TMA7B: variants seen among roughly 807,000 people sequenced by gnomAD.
The protein encoded by TMA7B is translation machinery associated 7 homolog B, also known as translation machinery-associated protein 7B.
the TMA7B span, chr22:39,964,597 G>C: frequency 2.6e-6 from 2 of 762,638 alleles, no homozygotes; most frequent in East Asian, 4.9e-5. Flanking sequence ...AGGAGACGGT[G>C]ACCCTTTATT....
At chr22:39,961,712 A>G in the TMA7B span, among the ~76,000 whole-genome samples, 4 of 152,254 alleles carry the variant, frequency 2.6e-5, no homozygotes, top group East Asian at 5.8e-4. Flanking sequence ...CTGCAAGAAT[A>G]TAATGCTGTT....
chr22:39,964,276 G>A, the TMA7B span: 3 of 637,338 alleles, frequency 4.7e-6, no homozygotes, highest in Non-Finnish European at 8.4e-6. Flanking sequence ...TGGTTCGAAT[G>A]TGTCCCATCA....
chr22:39,964,515 C>T, the TMA7B span: 117 of 971,252 alleles, frequency 1.2e-4, no homozygotes, highest in Middle Eastern at 3.1e-4. Context: ...AAGCGAAGGT[C>T]GTGGGGAAGG....
chr22:39,963,402 C>T, the TMA7B span, among the ~76,000 whole-genome samples: 1 of 152,200 alleles, frequency 6.6e-6, no homozygotes, highest in Admixed American at 6.5e-5. Flanking sequence ...ATGTTTCACA[C>T]TCTGAGTTCT....
chr22:39,964,589 G>C, the TMA7B span: 1 of 781,250 alleles, frequency 1.3e-6, no homozygotes, highest in African/African-American at 1.7e-5. Flanking sequence ...TGTGCCTAAG[G>C]AGACGGTGAC....
At chr22:39,963,951 G>A in the TMA7B span, 32 of 155,066 alleles carry the variant, frequency 2.1e-4, no homozygotes, top group Non-Finnish European at 3.9e-4. Flanking sequence ...GGGAGGTGGT[G>A]CTTGCAGTGA....
At chr22:39,963,873 G>A in the TMA7B span, 23,154 of 153,146 alleles carry the variant, frequency 0.15, 1,921 homozygotes, top group Middle Eastern at 0.22. Flanking sequence ...AAACTTAGCC[G>A]GGCGTGGTGG....
chr22:39,962,337 G>A, the TMA7B span, among the ~76,000 whole-genome samples: 1 of 152,090 alleles, frequency 6.6e-6, no homozygotes, highest in African/African-American at 2.4e-5. Context: ...TTAAAGGATT[G>A]TTGGAGCTGG....
chr22:39,964,077 T>C, the TMA7B span: 1 of 309,588 alleles, frequency 3.2e-6, no homozygotes, highest in South Asian at 4.7e-5. Flanking sequence ...TTAAAATTCT[T>C]GACCTTTCTT....
chr22:39,963,972 C>G, the TMA7B span: 1 of 163,946 alleles, frequency 6.1e-6, no homozygotes, highest in African/African-American at 2.4e-5. Flanking sequence ...GCAGAGATCA[C>G]GCCACTGCAC....
the TMA7B span, among the ~76,000 whole-genome samples, chr22:39,961,382 C>T: frequency 6.6e-6 from 1 of 152,110 alleles, no homozygotes; most frequent in Admixed American, 6.5e-5. Flanking sequence ...TCCTTTGGTT[C>T]GAAGCACTCA....
the TMA7B span, chr22:39,964,825 G>A: frequency 2.2e-4 from 74 of 334,640 alleles, no homozygotes; most frequent in Non-Finnish European, 3.3e-4. Flanking sequence ...TCAGAATCTT[G>A]CCAGAATCTG....
the TMA7B span, chr22:39,964,302 T>C: frequency 1.5e-6 from 1 of 673,956 alleles, no homozygotes; most frequent in Non-Finnish European, 2.7e-6. Context: ...GAGTCCAGAC[T>C]GGCAACAAAA....
the TMA7B span, among the ~76,000 whole-genome samples, chr22:39,962,327 T>C: frequency 6.6e-6 from 1 of 151,954 alleles, no homozygotes; most frequent in African/African-American, 2.4e-5. Flanking sequence ...GAGGCTGAAG[T>C]TAAAGGATTG....
the TMA7B span, chr22:39,964,393 G>A: frequency 3.9e-6 from 3 of 772,446 alleles, no homozygotes; most frequent in Non-Finnish European, 6.7e-6. Context: ...CCACGAAGGT[G>A]GCAAGAAGAA....
chr22:39,964,843 G>T, the TMA7B span: 1 of 312,786 alleles, frequency 3.2e-6, no homozygotes, highest in South Asian at 8.0e-5. Context: ...CTGCTCTTTG[G>T]TCGTTGTTCT....
the TMA7B span, chr22:39,964,281 C>T: frequency 6.2e-6 from 4 of 643,304 alleles, no homozygotes; most frequent in Non-Finnish European, 1.1e-5. Context: ...CGAATGTGTC[C>T]CATCACTTGT....
chr22:39,962,376 G>A, the TMA7B span, among the ~76,000 whole-genome samples: 3 of 152,158 alleles, frequency 2.0e-5, no homozygotes, highest in East Asian at 5.8e-4. Flanking sequence ...AGCCAAGATC[G>A]ATCGCACCAC....
chr22:39,962,375 C>T, the TMA7B span, among the ~76,000 whole-genome samples: 6 of 152,078 alleles, frequency 3.9e-5, no homozygotes, highest in Admixed American at 1.3e-4. Context: ...GAGCCAAGAT[C>T]GATCGCACCA....
Sources: allele counts gnomAD v4.1 joint callset (sites outside exome capture counted in the v4.1 genomes callset), GRCh38; gene constraint gnomAD v4.1.1; transcripts MANE v1.5; gene names NCBI Gene and HGNC (gene_info 2026-07-23, HGNC 2026-07-21).